Variants in SOX5 observed in about 807,000 individuals in gnomAD.
SOX5 encodes the protein SRY-box transcription factor 5, also known as transcription factor SOX-5.
Under a neutral mutation model 92.0 loss-of-function variants are expected in SOX5, and 9 were observed. The observed-to-expected ratio is 0.10, with a 90% CI of 0.06 to 0.17. SOX5 has a LOEUF of 0.17. Ranked by LOEUF, SOX5 falls within the 10% of genes least tolerant of loss-of-function variation. The pLI, the probability that SOX5 is intolerant of heterozygous loss-of-function variation, is 1.00. For synonymous variants in SOX5, 344 were observed against 336.3 expected (o/e 1.02, Z -0.25); for missense variants, 642 against 944.5 (o/e 0.68, Z 4.20).
intron 3 of SOX5, among the ~76,000 whole-genome samples, chr12:23,763,921 G>C (rs547191066): frequency 5.9e-5 from 9 of 152,188 alleles, no homozygotes; most frequent in African/African-American, 2.2e-4. Context: ...AAAAATGGGA[G>C]AGTGCAGCAC....
intron 4 of SOX5, among the ~76,000 whole-genome samples, chr12:24,096,125 T>C (rs1476887532): frequency 1.3e-5 from 2 of 152,196 alleles, no homozygotes; most frequent in Non-Finnish European, 2.9e-5. Flanking sequence ...TTTTTAAACA[T>C]TTTTTATTAT....
intron 1 of SOX5, among the ~76,000 whole-genome samples, chr12:23,934,200 T>G (rs1942032722): frequency 6.6e-6 from 1 of 151,398 alleles, no homozygotes; most frequent in East Asian, 1.9e-4. Flanking sequence ...AAAACAATTG[T>G]GATTACTGAT....
chr12:23,794,943 C>A (rs1268254709), intron 3 of SOX5, among the ~76,000 whole-genome samples: 1 of 151,888 alleles, frequency 6.6e-6, no homozygotes, highest in Non-Finnish European at 1.5e-5. Flanking sequence ...TTTAACAATT[C>A]CGCTAATATA....
Position 24,254,738 on chromosome 12 carries a change from T to TATATATATATATATATA in SOX5, c.-77+22477_-77+22478insTATATATATATATATAT, listed in dbSNP as rs1565761318. Among the ~76,000 whole-genome samples the TATATATATATATATATA allele has an allele frequency of 2.6e-5, 4 of 151,450 alleles. No individual in the cohort carries two copies. In the South Asian group the frequency reaches 6.3e-4, roughly 24 times the overall value. ...GCTCAAATATATATATATATATATA[T>TATATATATATATATATA]TTCCTATGACTTTTTCAATGATAAT... On this transcript the variant is annotated intron_variant, in intron 3 of 4. Transcript: ENST00000446891.
At chr12:23,874,641 T>G (rs1370413441) in intron 2 of SOX5, among the ~76,000 whole-genome samples, 2 of 151,010 alleles carry the variant, frequency 1.3e-5, no homozygotes, top group Non-Finnish European at 3.0e-5. Context: ...AGAGAGAGAG[T>G]GAATAGATGA....
intron 6 of SOX5, among the ~76,000 whole-genome samples, chr12:23,692,288 T>A (rs2140055534): frequency 6.6e-6 from 1 of 151,358 alleles, no homozygotes; most frequent in African/African-American, 2.4e-5. Flanking sequence ...AAAAAAAAAA[T>A]TAGACAGGCA....
At chr12:24,114,188 A>G (rs1947705124) in intron 4 of SOX5, among the ~76,000 whole-genome samples, 1 of 152,212 alleles carries the variant, frequency 6.6e-6, no homozygotes, top group Admixed American at 6.5e-5. Context: ...AGATTACAAT[A>G]TGAAAAGGAG....
chr12:23,735,565 T>C (rs933679963), intron 5 of SOX5, among the ~76,000 whole-genome samples: 1 of 152,212 alleles, frequency 6.6e-6, no homozygotes, highest in African/African-American at 2.4e-5. Flanking sequence ...TTAGACTTTG[T>C]TCTTTTCCTT....
chr12:23,673,898 G>T lies in SOX5; in HGVS notation c.811-8334C>A, dbSNP rs967359258. Among the ~76,000 whole-genome samples the T allele has an allele frequency of 1.4e-4, 21 of 151,830 alleles. No homozygotes were observed. The East Asian group carries it at 3.9e-3, about 28-fold the overall frequency. On this transcript the variant is annotated intron_variant, in intron 6 of 14. Coordinates refer to ENST00000451604, the MANE Select transcript of SOX5 (RefSeq NM_006940.6). ...AGCACTGAATTATATACTTTAAAAG[G>T]GTAAGTTTTATGGCATCTGAATTAC...
At chr12:24,466,889 T>C (rs1248317971) in intron 1 of SOX5, among the ~76,000 whole-genome samples, 1 of 152,232 alleles carries the variant, frequency 6.6e-6, no homozygotes, top group Non-Finnish European at 1.5e-5. Context: ...TAAGTGACAG[T>C]GCTGGTTTTC....
intron 1 of SOX5, among the ~76,000 whole-genome samples, chr12:24,476,995 CAAAAAA>C (rs11385447): frequency 3.0e-4 from 16 of 53,658 alleles, no homozygotes; most frequent in African/African-American, 9.6e-4. Context: ...AGACCCCTCT[CAAAAAA>C]AAAAAAAAAA....
intron 8 of SOX5, among the ~76,000 whole-genome samples, chr12:23,631,230 C>T (rs1350206497): frequency 2.6e-5 from 4 of 152,018 alleles, no homozygotes; most frequent in East Asian, 1.9e-4. Flanking sequence ...AAGGTGATAA[C>T]TCTTATTTAG....
rs60085412 is a variant in SOX5, at chr12:24,056,974, C to CAAAAAAAAAAAAAAAAA, written c.-2+156352_-2+156368dup. Reference sequence around the variant, plus strand: ...TGGGCGACAGAGCGAGACTCCGTCTCAAAAAAAAAAAAAAAAAAATTCAAC... The same window carrying CAAAAAAAAAAAAAAAAA: ...TGGGCGACAGAGCGAGACTCCGTCTCAAAAAAAAAAAAAAAAAAAAAAAAAAAAAAAAAAAATTCAAC... On this transcript the variant is annotated intron_variant, in intron 4 of 4. Transcript: ENST00000446891. Among the ~76,000 whole-genome samples the CAAAAAAAAAAAAAAAAA allele has an allele frequency of 6.7e-3, 245 of 36,626 alleles. 4 individuals are homozygous for CAAAAAAAAAAAAAAAAA. The highest frequency in any genetic ancestry group is 0.019 in the Middle Eastern group (1 of 52). The allele number at this position is 36,626 out of a possible 152,430, so 24.0% of individuals were successfully genotyped here.
At chr12:24,474,670 G>C (rs1207515279) in intron 1 of SOX5, among the ~76,000 whole-genome samples, 1 of 151,558 alleles carries the variant, frequency 6.6e-6, no homozygotes, top group Admixed American at 6.6e-5. Context: ...CGGGTAGCTG[G>C]GATTACAGGC....
intron 1 of SOX5, among the ~76,000 whole-genome samples, chr12:24,478,078 G>C (rs1381048010): frequency 6.6e-6 from 1 of 152,096 alleles, no homozygotes; most frequent in Non-Finnish European, 1.5e-5. Context: ...TAACACCTAA[G>C]GAATTCCGAA....
chr12:24,399,751 G>A (rs930344613), intron 1 of SOX5, among the ~76,000 whole-genome samples: 5 of 152,260 alleles, frequency 3.3e-5, no homozygotes, highest in African/African-American at 4.8e-5. Flanking sequence ...TAATAAATGC[G>A]GAAACAATTC....
chr12:23,548,443 C>T (rs558319595), intron 11 of SOX5, among the ~76,000 whole-genome samples: 1 of 152,150 alleles, frequency 6.6e-6, no homozygotes, highest in South Asian at 2.1e-4. Flanking sequence ...TACTATGCTT[C>T]TCAAGAGGAC....
chr12:23,945,475 C>T (rs1217221550), intron 1 of SOX5, among the ~76,000 whole-genome samples: 2 of 152,118 alleles, frequency 1.3e-5, no homozygotes, highest in Non-Finnish European at 2.9e-5. Context: ...AGTCAGGTCT[C>T]CTGCCAAGTC....
chr12:24,252,371 T>C (rs949653598), intron 3 of SOX5, among the ~76,000 whole-genome samples: 3 of 152,214 alleles, frequency 2.0e-5, no homozygotes, highest in Non-Finnish European at 2.9e-5. Flanking sequence ...GCCTTCGTTT[T>C]TACATAGAGA....
Sources: allele counts gnomAD v4.1 joint callset (sites outside exome capture counted in the v4.1 genomes callset), GRCh38; gene constraint gnomAD v4.1.1; transcripts MANE v1.5; gene names NCBI Gene and HGNC (gene_info 2026-07-23, HGNC 2026-07-21).